Variants in PDE4B observed in about 807,000 individuals in gnomAD.
The protein encoded by PDE4B is phosphodiesterase 4B.
In PDE4B, 20 loss-of-function variants were observed where a neutral mutation model predicts 82.2. The ratio of observed to expected loss-of-function variants is 0.24; its 90% confidence interval spans 0.17 to 0.35. The LOEUF is 0.35. Among genes scored for constraint, PDE4B ranks in the 10% least tolerant of loss-of-function variants. The pLI is 1.00. For synonymous variants in PDE4B, 320 were observed against 318.9 expected (o/e 1.00, Z -0.04); for missense variants, 655 against 907.2 (o/e 0.72, Z 3.57).
intron 1 of PDE4B, among the ~76,000 whole-genome samples, chr1:65,815,892 A>G (rs1049610026): frequency 6.6e-6 from 1 of 152,216 alleles, no homozygotes; most frequent in Non-Finnish European, 1.5e-5. Context: ...AAGTTTTTAC[A>G]TAAAAGGACT....
Position 66,367,335 on chromosome 1 carries a change from A to G in PDE4B, c.1385-361A>G, listed in dbSNP as rs1030953379. ...ATTCATAAAGTTTAGTGGTACTTTC[A>G]TGTTGTTCTTTTCCAAAGTACAAAA... On this transcript the variant is annotated intron_variant, in intron 13 of 16. Transcript: ENST00000341517. 3.0e-4 allele frequency among the ~76,000 whole-genome samples: 45 copies of G among 152,216 alleles called. 1 individual carries two copies. Among genetic ancestry groups the G allele is most frequent in the Non-Finnish European group, 1.3e-4 (9 of 68,026 alleles).
intron 1 of PDE4B, among the ~76,000 whole-genome samples, chr1:65,848,251 G>T (rs12124521): frequency 1.3e-5 from 2 of 151,858 alleles, no homozygotes; most frequent in Non-Finnish European, 2.9e-5. Context: ...CAGTTCTCCC[G>T]CATCAGCCTC....
intron 3 of PDE4B, among the ~76,000 whole-genome samples, chr1:66,171,712 G>T (rs2101340143): frequency 6.6e-6 from 1 of 152,182 alleles, no homozygotes; most frequent in South Asian, 2.1e-4. Flanking sequence ...TAATTTTCTT[G>T]TGTGTAAATG....
chr1:66,346,710 T>C (rs1423214608), intron 8 of PDE4B, among the ~76,000 whole-genome samples: 3 of 152,156 alleles, frequency 2.0e-5, no homozygotes, highest in African/African-American at 7.2e-5. Context: ...GAAAAGAAGG[T>C]GTTCAAGTAT....
At chr1:66,039,107 C>A (rs1009259011) in intron 3 of PDE4B, among the ~76,000 whole-genome samples, 1 of 151,998 alleles carries the variant, frequency 6.6e-6, no homozygotes, top group South Asian at 2.1e-4. Flanking sequence ...CTGATAATTT[C>A]TCATGGGCTT....
intron 3 of PDE4B, among the ~76,000 whole-genome samples, chr1:65,972,916 T>C (rs1402686992): frequency 6.6e-6 from 1 of 152,206 alleles, no homozygotes; most frequent in Non-Finnish European, 1.5e-5. Context: ...CATGACAAAT[T>C]GTTGCTAAAG....
intron 7 of PDE4B, 76 bp from the exon 8 acceptor site, chr1:66,332,432 G>A (rs772244713): frequency 1.6e-5 from 26 of 1,614,024 alleles, no homozygotes; most frequent in East Asian, 4.5e-5. Context: ...CGGAATCAGC[G>A]GTGGTAGCGG....
intron 8 of PDE4B, chr1:66,354,750 A>G: frequency 4.0e-6 from 6 of 1,483,836 alleles, no homozygotes; most frequent in Middle Eastern, 1.7e-4. Flanking sequence ...TTATCACTGA[A>G]TCTGCAGGGC....
At chr1:66,069,422 AATTG>A (rs1163529547) in intron 3 of PDE4B, among the ~76,000 whole-genome samples, 1 of 151,996 alleles carries the variant, frequency 6.6e-6, no homozygotes, top group Non-Finnish European at 1.5e-5. Context: ...CAATAAGATG[AATTG>A]ATTATCATAA....
Position 66,355,510 on chromosome 1 carries a change from T to G in PDE4B, c.748-17T>G, listed in dbSNP as rs766188915. On this transcript the variant is annotated splice_polypyrimidine_tract_variant and intron_variant, in intron 8 of 16. Coordinates refer to ENST00000341517, the MANE Select transcript of PDE4B (RefSeq NM_002600.4). ...TCTTTTTAAAGTGGTTAATGCATTT[T>G]TGTTCTTTATAAACAGTTCAAAAGA... 6.4e-6 allele frequency: 10 copies of G among 1,554,496 alleles called. No individual in the cohort carries two copies. Among genetic ancestry groups the G allele is most frequent in the Admixed American group, 1.7e-5 (1 of 58,980 alleles).
chr1:65,984,794 T>G (rs1231715779), intron 3 of PDE4B, among the ~76,000 whole-genome samples: 1 of 152,102 alleles, frequency 6.6e-6, no homozygotes, highest in Non-Finnish European at 1.5e-5. Flanking sequence ...TATGTTATCT[T>G]TAAAAGTCTT....
intron 1 of PDE4B, among the ~76,000 whole-genome samples, chr1:65,818,822 G>A (rs1255027859): frequency 6.6e-6 from 1 of 151,976 alleles, no homozygotes; most frequent in East Asian, 1.9e-4. Flanking sequence ...TTATTGCGTT[G>A]TTATTTGCTT....
chr1:66,004,996 T>A (rs1652068989), intron 3 of PDE4B, among the ~76,000 whole-genome samples: 1 of 152,046 alleles, frequency 6.6e-6, no homozygotes, highest in African/African-American at 2.4e-5. Flanking sequence ...TATTAATTAG[T>A]ATGGTTGAGA....
At chr1:66,024,430 G>T (rs2100778006) in intron 3 of PDE4B, among the ~76,000 whole-genome samples, 1 of 152,180 alleles carries the variant, frequency 6.6e-6, no homozygotes, top group East Asian at 1.9e-4. Context: ...TGGAAAGCTT[G>T]CTACCCCCAA....
Position 66,371,094 on chromosome 1 carries a change from CTATATATATATATATATATA to C in PDE4B, c.1846-1198_1846-1179del, listed in dbSNP as rs557320202. Among the ~76,000 whole-genome samples, 103 of 74,846 alleles carry C rather than the reference CTATATATATATATATATATA, an allele frequency of 1.4e-3. 2 individuals carry two copies. Among genetic ancestry groups the C allele is most frequent in the Admixed American group, 8.9e-3 (51 of 5,718 alleles). The allele number at this position is 74,846 out of a possible 152,430, so 49.1% of individuals were successfully genotyped here. On this transcript the variant is annotated intron_variant, in intron 16 of 16. Coordinates refer to ENST00000341517, the MANE Select transcript of PDE4B (RefSeq NM_002600.4). ...TATATATATATACACACACATCATACTATATATATATATATATATATATATATATATATATATATAATTTT... is the reference window on the plus strand; with the variant it reads ...TATATATATATACACACACATCATACTATATATATATATATATATAATTTT...
At chr1:65,898,078 T>C (rs1234751729) in intron 1 of PDE4B, among the ~76,000 whole-genome samples, 2 of 152,172 alleles carry the variant, frequency 1.3e-5, no homozygotes, top group Non-Finnish European at 2.9e-5. Context: ...TGCACATCTC[T>C]GATGATTAGT....
intron 7 of PDE4B, among the ~76,000 whole-genome samples, chr1:66,323,649 T>C (rs1365021530): frequency 1.3e-5 from 2 of 152,312 alleles, no homozygotes; most frequent in East Asian, 3.9e-4. Context: ...TCCTAAGCAC[T>C]TTACATTTAT....
intron 1 of PDE4B, among the ~76,000 whole-genome samples, chr1:65,859,520 T>A (rs113198780): frequency 2.0e-5 from 3 of 152,314 alleles, no homozygotes; most frequent in South Asian, 2.1e-4. Flanking sequence ...ATGAAAATAT[T>A]TTCATTAATG....
Position 66,363,434 on chromosome 1 carries a change from A to G in PDE4B, c.1147A>G (p.Ile383Val). 5.0e-6 allele frequency: 8 copies of G among 1,613,170 alleles called. No homozygotes were observed. Among genetic ancestry groups the G allele is most frequent in the Non-Finnish European group, 5.9e-6 (7 of 1,179,298 alleles). ...QERDLLKTFR[I>V]SSDTFITYMM... ...AAGAGACCTCCTAAAGACATTCAGAATCTCATCTGACACATTTATAACCTA... is the reference window on the plus strand; with the variant it reads ...AAGAGACCTCCTAAAGACATTCAGAGTCTCATCTGACACATTTATAACCTA... The change falls in exon 12 of 17, where the codon ATC becomes GTC. Residue 383 changes from isoleucine (I) to valine (V), a missense_variant. Transcript: ENST00000341517.
Sources: gnomAD v4.1 joint callset for allele counts (sites outside exome capture counted in the v4.1 genomes callset) on GRCh38, gnomAD v4.1.1 for gene constraint, MANE v1.5 for transcripts, NCBI Gene and HGNC (gene_info 2026-07-23, HGNC 2026-07-21) for gene names.